Variants in PVT1 observed in about 807,000 individuals in gnomAD.
PVT1 encodes Pvt1 oncogene, also known as CXCR4/PVT1 fusion.
chr8:127,930,168 T>A (rs180849974), intron 3 of PVT1, among the ~76,000 whole-genome samples: 16 of 152,162 alleles, frequency 1.1e-4, no homozygotes, highest in African/African-American at 2.7e-4. Context: ...TATTATTATT[T>A]TTTTTTGGGA....
intron 2 of PVT1, among the ~76,000 whole-genome samples, chr8:127,812,264 C>CAGGAAGGCAGGA (rs1563611740): frequency 7.9e-6 from 1 of 125,950 alleles, no homozygotes; most frequent in African/African-American, 3.8e-5. Context: ...GGCAGGAAGG[C>CAGGAAGGCAGGA]AGGAAGGAAG....
At chr8:127,889,884 G>A (rs1312894800) in intron 2 of PVT1, among the ~76,000 whole-genome samples, 1 of 152,182 alleles carries the variant, frequency 6.6e-6, no homozygotes, top group East Asian at 1.9e-4. Context: ...TTATCATTGG[G>A]TGGATGGGGA....
chr8:128,004,685 T>A (rs1457985512), intron 4 of PVT1, among the ~76,000 whole-genome samples: 1 of 152,190 alleles, frequency 6.6e-6, no homozygotes, highest in Non-Finnish European at 1.5e-5. Flanking sequence ...ACCACTGAAG[T>A]AGCCTTTCGA....
intron 4 of PVT1, among the ~76,000 whole-genome samples, chr8:128,029,802 A>C (rs1813368271): frequency 6.8e-6 from 1 of 147,274 alleles, no homozygotes; most frequent in South Asian, 2.1e-4. Context: ...CTGTCTCAAA[A>C]ACAAACAAAC....
At chr8:127,805,160 C>A (rs968509197) in intron 2 of PVT1, among the ~76,000 whole-genome samples, 6 of 151,674 alleles carry the variant, frequency 4.0e-5, no homozygotes, top group Admixed American at 3.9e-4. Context: ...GAACTCCTGA[C>A]CTCAGGTGAT....
chr8:128,043,336 T>G (rs942602137), intron 4 of PVT1, among the ~76,000 whole-genome samples: 6 of 152,240 alleles, frequency 3.9e-5, no homozygotes, highest in Non-Finnish European at 8.8e-5. Context: ...TCAGCATTCC[T>G]GAATTGCTCT....
rs72720857 is a variant in PVT1 at position 128,010,977 on chromosome 8, A to C, written n.912+21686A>C. The stretch of plus-strand genomic sequence containing the variant: ...TTGTGATTTTGGTTTAGGAGTCTTA[A>C]TCTCTAGAATAAAATCTAATGAAAG... On this transcript the variant is annotated intron_variant and non_coding_transcript_variant, in intron 4 of 10. Coordinates refer to ENST00000651587, the Ensembl canonical transcript of PVT1. Among the ~76,000 whole-genome samples, 856 of 152,316 alleles carry C rather than the reference A, an allele frequency of 5.6e-3. 17 individuals carry two copies. In the East Asian group the frequency reaches 0.072, roughly 13 times the overall value.
chr8:127,893,793 CTTGAGAGTGAAAGGGGCACTGT>C (rs761103696), intron 3 of PVT1, among the ~76,000 whole-genome samples: 28 of 152,170 alleles, frequency 1.8e-4, no homozygotes, highest in Non-Finnish European at 3.7e-4. Context: ...AGCCTGGAGA[CTTGAGAGTGAAAGGGGCACTGT>C]ATCACTTACT....
rs11438511 is a variant in PVT1 at position 128,021,290 on chromosome 8, C to CTTTTTTTTTTTTTTTTTT, written n.912+32003_912+32020dup. Among the ~76,000 whole-genome samples the CTTTTTTTTTTTTTTTTTT allele has an allele frequency of 3.2e-4, 26 of 81,134 alleles. 3 individuals carry two copies. Among genetic ancestry groups the CTTTTTTTTTTTTTTTTTT allele is most frequent in the African/African-American group, 1.2e-3 (25 of 20,894 alleles). The allele number at this position is 81,134 out of a possible 152,430, so 53.2% of individuals were successfully genotyped here. On this transcript the variant is annotated intron_variant and non_coding_transcript_variant, in intron 4 of 10. Coordinates refer to ENST00000651587, the Ensembl canonical transcript of PVT1. ...CCAGTCCGATTCCCCAGGACTTGTG[C>CTTTTTTTTTTTTTTTTTT]TTTTTTTTTTTTTTTTTTTTTGAGA...
intron 3 of PVT1, among the ~76,000 whole-genome samples, chr8:127,910,964 T>A (rs540779163): frequency 2.4e-4 from 37 of 151,596 alleles, no homozygotes; most frequent in African/African-American, 8.2e-4. Context: ...GCAATAGAAA[T>A]CATTATAAGG....
At chr8:127,859,158 C>T (rs1276315327) in intron 2 of PVT1, among the ~76,000 whole-genome samples, 1 of 152,116 alleles carries the variant, frequency 6.6e-6, no homozygotes, top group African/African-American at 2.4e-5. Flanking sequence ...TGAGTATTTT[C>T]TTCCTCACAA....
intron 4 of PVT1, among the ~76,000 whole-genome samples, chr8:128,048,809 G>A (rs187133442): frequency 2.6e-5 from 4 of 152,336 alleles, no homozygotes; most frequent in Admixed American, 2.0e-4. Flanking sequence ...AGGCGAAAGC[G>A]CTTATTGTGT....
chr8:127,846,997 T>G (rs1385031334), intron 2 of PVT1, among the ~76,000 whole-genome samples: 1 of 99,860 alleles, frequency 1.0e-5, no homozygotes, highest in Non-Finnish European at 2.0e-5. Flanking sequence ...TTTTTTTTTT[T>G]TTTTTGTTGT....
chr8:127,804,847 A>T (rs904561563), intron 2 of PVT1, among the ~76,000 whole-genome samples: 1 of 147,616 alleles, frequency 6.8e-6, no homozygotes, highest in Non-Finnish European at 1.5e-5. Flanking sequence ...GAGCCACCAC[A>T]TCTGGACACA....
intron 3 of PVT1, among the ~76,000 whole-genome samples, chr8:127,902,425 C>CTTT (rs777284762): frequency 8.4e-5 from 11 of 130,944 alleles, no homozygotes; most frequent in Middle Eastern, 4.1e-3. Flanking sequence ...GTTCTATTTT[C>CTTT]TTTTTTTTTT....
chr8:127,973,017 G>T (rs979805907), intron 3 of PVT1, among the ~76,000 whole-genome samples: 2 of 152,108 alleles, frequency 1.3e-5, no homozygotes, highest in African/African-American at 2.4e-5. Flanking sequence ...CAATCCTCCC[G>T]AGTAGCTAGG....
intron 2 of PVT1, among the ~76,000 whole-genome samples, chr8:127,805,076 G>T (rs565045822): frequency 3.3e-5 from 5 of 151,318 alleles, no homozygotes; most frequent in African/African-American, 1.2e-4. Context: ...CATTACAGGC[G>T]CTCACCACCA....
At chr8:128,005,096 C>G (rs1817230091) in intron 4 of PVT1, among the ~76,000 whole-genome samples, 2 of 151,556 alleles carry the variant, frequency 1.3e-5, no homozygotes, top group South Asian at 4.2e-4. Context: ...GCGGAGATCA[C>G]ACCATTGCAC....
At chr8:128,087,919 C>T (rs1020837059) in intron 5 of PVT1, among the ~76,000 whole-genome samples, 7 of 151,752 alleles carry the variant, frequency 4.6e-5, no homozygotes, top group South Asian at 2.1e-4. Flanking sequence ...CCACCACACC[C>T]GGCTATTTTT....
Sources: allele counts gnomAD v4.1 joint callset (sites outside exome capture counted in the v4.1 genomes callset), GRCh38; gene constraint gnomAD v4.1.1; transcripts MANE v1.5; gene names NCBI Gene and HGNC (gene_info 2026-07-23, HGNC 2026-07-21).